The following MCTP2 variants were observed in gnomAD, a reference collection of about 807,000 sequenced individuals.
The protein encoded by MCTP2 is multiple C2 and transmembrane domain containing 2.
MCTP2 carries 132 observed loss-of-function variants against 111.6 expected under a neutral mutation model. That is an observed-to-expected ratio of 1.18 (90% confidence interval 1.03 to 1.37). MCTP2 has a LOEUF of 1.37. Ranked by LOEUF, MCTP2 falls within the 40% of genes most tolerant of loss-of-function variation. MCTP2 has a pLI of 0.00. For missense variants in MCTP2, 1,183 were observed against 1,067.9 expected (o/e 1.11, Z -1.50); for synonymous variants, 395 against 387.7 (o/e 1.02, Z -0.22).
At chr15:94,449,968 G>A (rs900691233) in intron 19 of MCTP2, among the ~76,000 whole-genome samples, 1 of 152,016 alleles carries the variant, frequency 6.6e-6, no homozygotes, top group African/African-American at 2.4e-5. Flanking sequence ...TCTTTCAAGG[G>A]TCTAGGTTCC....
rs71132992 is a variant in MCTP2 at position 94,236,377 on chromosome 15, C to CTTTTTTTTTTT, written c.-66+4731_-66+4741dup. The stretch of plus-strand genomic sequence containing the variant: ...TATGATTCAATCCTTTCTTTTTTTT[C>CTTTTTTTTTTT]TTTTTTTTTTTTTTTTTTTTTTTTT... On this transcript the variant is annotated intron_variant, in intron 1 of 22. Coordinates refer to ENST00000357742, the MANE Select transcript of MCTP2 (RefSeq NM_001385001.1). 8.4e-4 allele frequency among the ~76,000 whole-genome samples: 61 copies of CTTTTTTTTTTT among 72,516 alleles called. 2 individuals are homozygous for CTTTTTTTTTTT. The highest frequency in any genetic ancestry group is 1.1e-3 in the African/African-American group (20 of 19,030). 47.6% of individuals were successfully genotyped at this position (72,516 alleles called of 152,430 possible). A position where few individuals can be genotyped will look rare whatever the true frequency, so the allele number is the denominator to read the frequency against.
At chr15:94,232,711 A>T (rs1378267437) in intron 1 of MCTP2, among the ~76,000 whole-genome samples, 1 of 152,174 alleles carries the variant, frequency 6.6e-6, no homozygotes, top group Non-Finnish European at 1.5e-5. Context: ...GAACGAGACC[A>T]ATGGTGCTGC....
chr15:94,272,446 G>A (rs936456770), intron 1 of MCTP2, among the ~76,000 whole-genome samples: 12 of 151,966 alleles, frequency 7.9e-5, no homozygotes, highest in African/African-American at 1.5e-4. Context: ...TCTTCTGCTC[G>A]ACCTTCAGCC....
At chr15:94,465,902 T>C (rs1379036936) in intron 20 of MCTP2, among the ~76,000 whole-genome samples, 1 of 152,194 alleles carries the variant, frequency 6.6e-6, no homozygotes, top group East Asian at 1.9e-4. Context: ...GTCTTCCCAG[T>C]CAGTGCAGGA....
chr15:94,440,791 A>C (rs912784170), intron 18 of MCTP2, among the ~76,000 whole-genome samples: 2 of 152,206 alleles, frequency 1.3e-5, no homozygotes, highest in African/African-American at 4.8e-5. Context: ...GGGTGGGCTT[A>C]GATCCATCTA....
intron 4 of MCTP2, 126 bp from the exon 5 acceptor site, chr15:94,339,164 G>A (rs780936370): frequency 3.3e-5 from 20 of 610,358 alleles, no homozygotes; most frequent in African/African-American, 7.4e-5. Context: ...TTCCATCTCC[G>A]AGCCCTTTAA....
chr15:94,403,974 A>G (rs1246567067), intron 17 of MCTP2, among the ~76,000 whole-genome samples: 1 of 152,220 alleles, frequency 6.6e-6, no homozygotes, highest in Non-Finnish European at 1.5e-5. Context: ...CTATATACCT[A>G]CAGCCTATCA....
At chr15:94,282,133 A>G (rs975514358) in intron 1 of MCTP2, among the ~76,000 whole-genome samples, 46 of 152,244 alleles carry the variant, frequency 3.0e-4, no homozygotes, top group African/African-American at 1.1e-3. Flanking sequence ...TATATCCTCA[A>G]ATATGTTTTC....
chr15:94,405,877 G>A (rs2081872041), intron 17 of MCTP2, among the ~76,000 whole-genome samples: 1 of 151,966 alleles, frequency 6.6e-6, no homozygotes, highest in African/African-American at 2.4e-5. Flanking sequence ...TTAAATTAAG[G>A]ATATATTTTT....
At chr15:94,464,265 A>G (rs561612763) in intron 20 of MCTP2, among the ~76,000 whole-genome samples, 3 of 84,996 alleles carry the variant, frequency 3.5e-5, no homozygotes, top group African/African-American at 1.5e-4. Flanking sequence ...TATTATATAT[A>G]TATATATATA....
intron 17 of MCTP2, among the ~76,000 whole-genome samples, chr15:94,432,274 G>A (rs2083231909): frequency 6.6e-6 from 1 of 152,138 alleles, no homozygotes; most frequent in African/African-American, 2.4e-5. Flanking sequence ...ACAACAGAAA[G>A]CAGATTTTTC....
intron 22 of MCTP2, among the ~76,000 whole-genome samples, chr15:94,477,286 G>A (rs1254708484): frequency 6.6e-6 from 1 of 152,144 alleles, no homozygotes; most frequent in Non-Finnish European, 1.5e-5. Flanking sequence ...TGAGAATGCA[G>A]CCCCCATTTA....
chr15:94,284,197 C>T (rs1235400864), intron 1 of MCTP2, among the ~76,000 whole-genome samples: 2 of 152,130 alleles, frequency 1.3e-5, no homozygotes, highest in African/African-American at 2.4e-5. Flanking sequence ...ATAAGTCTCT[C>T]TTGTGGAATA....
intron 17 of MCTP2, among the ~76,000 whole-genome samples, chr15:94,439,322 G>A (rs2083648008): frequency 6.6e-6 from 1 of 151,496 alleles, no homozygotes; most frequent in South Asian, 2.1e-4. Context: ...TGTTATAGCA[G>A]TGGTTTTTTT....
intron 8 of MCTP2, among the ~76,000 whole-genome samples, chr15:94,351,784 G>A (rs2078316897): frequency 6.6e-6 from 1 of 152,154 alleles, no homozygotes; most frequent in African/African-American, 2.4e-5. Context: ...GGTATTGCTT[G>A]GCATCGTCAG....
At position 94,261,020 on chromosome 15, in the gene MCTP2, C is replaced by T. The variant is rs140977355; in HGVS notation, c.-66+29356C>T. On this transcript the variant is annotated intron_variant, in intron 1 of 22. Transcript: ENST00000357742. ...GGTGTCCACAACCTTTTATCATGAC[C>T]GAGACCCTCCTTTCTATTGATGATT... 9.2e-5 allele frequency among the ~76,000 whole-genome samples: 14 copies of T among 152,210 alleles called. No homozygotes were observed. The East Asian group carries it at 1.5e-3, about 17-fold the overall frequency.
intron 14 of MCTP2, among the ~76,000 whole-genome samples, chr15:94,390,417 A>T (rs1419750508): frequency 1.3e-5 from 2 of 152,092 alleles, no homozygotes; most frequent in Non-Finnish European, 2.9e-5. Context: ...GTCTTAAAAC[A>T]TGTCAGGCAG....
At chr15:94,246,485 T>C (rs1017607102) in intron 1 of MCTP2, among the ~76,000 whole-genome samples, 1 of 152,168 alleles carries the variant, frequency 6.6e-6, no homozygotes, top group Non-Finnish European at 1.5e-5. Flanking sequence ...TGGCTGATGC[T>C]CTTGTTGTTT....
At chr15:94,283,735 T>C (rs1373034459) in intron 1 of MCTP2, among the ~76,000 whole-genome samples, 1 of 152,172 alleles carries the variant, frequency 6.6e-6, no homozygotes, top group African/African-American at 2.4e-5. Context: ...TAATTGATAG[T>C]CTTGTCTCTC....
Sources: allele counts gnomAD v4.1 joint callset (sites outside exome capture counted in the v4.1 genomes callset), GRCh38; gene constraint gnomAD v4.1.1; transcripts MANE v1.5; gene names NCBI Gene and HGNC (gene_info 2026-07-23, HGNC 2026-07-21).